Variants in MAN1A2 observed in about 807,000 individuals in gnomAD.
MAN1A2 encodes the protein mannosidase alpha class 1A member 2.
MAN1A2 carries 26 observed loss-of-function variants against 75.7 expected under a neutral mutation model. The observed-to-expected ratio is 0.34, with a 90% CI of 0.25 to 0.48. The LOEUF is 0.48. Ranked by LOEUF, MAN1A2 falls within the 20% of genes least tolerant of loss-of-function variation. The pLI, the probability that MAN1A2 is intolerant of heterozygous loss-of-function variation, is 0.99. For synonymous variants in MAN1A2, 247 were observed against 264.6 expected (o/e 0.93, Z 0.65); for missense variants, 562 against 775.5 (o/e 0.72, Z 3.27).
chr1:117,407,690 A>G (rs573895746), intron 3 of MAN1A2, among the ~76,000 whole-genome samples: 2 of 152,322 alleles, frequency 1.3e-5, no homozygotes, highest in South Asian at 4.1e-4. Context: ...CAGAAAATCC[A>G]TTGCAAAATG....
At chr1:117,412,457 A>G (rs977948776) in intron 3 of MAN1A2, among the ~76,000 whole-genome samples, 1 of 151,660 alleles carries the variant, frequency 6.6e-6, no homozygotes, top group Non-Finnish European at 1.5e-5. Context: ...TATTATTTCA[A>G]TAATTTTCTT....
At chr1:117,394,317 C>T (rs911038047) in intron 1 of MAN1A2, among the ~76,000 whole-genome samples, 2 of 152,014 alleles carry the variant, frequency 1.3e-5, no homozygotes, top group East Asian at 1.9e-4. Flanking sequence ...CTCCTGACCT[C>T]GTGATCCGCC....
At chr1:117,449,217 A>T (rs1186496737) in intron 6 of MAN1A2, among the ~76,000 whole-genome samples, 2 of 151,800 alleles carry the variant, frequency 1.3e-5, no homozygotes, top group Non-Finnish European at 2.9e-5. Flanking sequence ...AGTGGCCTTG[A>T]TGTATTCAAG....
intron 8 of MAN1A2, among the ~76,000 whole-genome samples, chr1:117,481,428 C>G (rs1570779286): frequency 6.6e-6 from 1 of 151,924 alleles, no homozygotes; most frequent in Non-Finnish European, 1.5e-5. Flanking sequence ...TAATTTGACC[C>G]TCTTACTGTC....
intron 1 of MAN1A2, among the ~76,000 whole-genome samples, chr1:117,374,926 T>C (rs907052378): frequency 2.0e-5 from 3 of 152,216 alleles, no homozygotes; most frequent in African/African-American, 7.2e-5. Flanking sequence ...TGGAAATGAC[T>C]AAAATTTATT....
chr1:117,443,795 A>T (rs1649119789), intron 6 of MAN1A2, among the ~76,000 whole-genome samples: 1 of 152,178 alleles, frequency 6.6e-6, no homozygotes, highest in Non-Finnish European at 1.5e-5. Flanking sequence ...TTTTTTGCAG[A>T]GAAGGGATCT....
chr1:117,490,051 G>A (rs1264172132), intron 8 of MAN1A2, among the ~76,000 whole-genome samples: 2 of 151,880 alleles, frequency 1.3e-5, no homozygotes, highest in Non-Finnish European at 2.9e-5. Flanking sequence ...CTTGGGAGCT[G>A]TAGTGTCAAA....
intron 7 of MAN1A2, among the ~76,000 whole-genome samples, chr1:117,464,718 C>T (rs1003690886): frequency 3.9e-5 from 6 of 151,954 alleles, no homozygotes; most frequent in Non-Finnish European, 5.9e-5. Flanking sequence ...AAGCTGTTTG[C>T]GCCTGCGAAC....
chr1:117,482,230 C>G lies in MAN1A2; in HGVS notation c.1169-10917C>G, dbSNP rs993978028. Among the ~76,000 whole-genome samples the G allele has an allele frequency of 3.9e-5, 6 of 152,060 alleles. 1 individual carries two copies. Among genetic ancestry groups the G allele is most frequent in the African/African-American group, 4.8e-5 (2 of 41,512 alleles). ...TGATTTATAATCCTTTGGGTATATA[C>G]CCAGTAATGGGATTGCTGGGTCAAC... On this transcript the variant is annotated intron_variant, in intron 8 of 12. Transcript: ENST00000356554.
chr1:117,499,626 C>A, intron 11 of MAN1A2, 72 bp downstream of exon 11: 1 of 1,209,466 alleles, frequency 8.3e-7, no homozygotes, highest in Non-Finnish European at 1.1e-6. Context: ...CACATACCCT[C>A]ACCCATGTTA....
At chr1:117,495,099 A>G (rs1219587798) in intron 9 of MAN1A2, 4 of 151,746 alleles carry the variant, frequency 2.6e-5, no homozygotes, top group Non-Finnish European at 2.9e-5. Flanking sequence ...TTAATCATAC[A>G]TGCTTTGAAA....
intron 8 of MAN1A2, among the ~76,000 whole-genome samples, chr1:117,489,057 A>G (rs1046481958): frequency 2.0e-5 from 3 of 152,002 alleles, no homozygotes; most frequent in African/African-American, 7.2e-5. Context: ...CATATAATAG[A>G]TATCTTGCAG....
chr1:117,396,856 G>T (rs61808999), intron 1 of MAN1A2, among the ~76,000 whole-genome samples: 17,135 of 151,802 alleles, frequency 0.11, 1,059 homozygotes, highest in Non-Finnish European at 0.14. Flanking sequence ...GCAAAAAAGG[G>T]TTATAGTGCT....
chr1:117,498,437 C>G (rs1393003839), intron 10 of MAN1A2, among the ~76,000 whole-genome samples: 1 of 151,798 alleles, frequency 6.6e-6, no homozygotes, highest in Admixed American at 6.6e-5. Flanking sequence ...AAACAGGGAA[C>G]AGCCATTATA....
intron 8 of MAN1A2, among the ~76,000 whole-genome samples, chr1:117,471,994 A>G (rs1650175869): frequency 6.6e-6 from 1 of 151,948 alleles, no homozygotes; most frequent in East Asian, 1.9e-4. Flanking sequence ...TTACAGCAGA[A>G]GGACATACTA....
intron 1 of MAN1A2, among the ~76,000 whole-genome samples, chr1:117,388,532 G>A (rs1427699296): frequency 3.9e-5 from 6 of 152,082 alleles, no homozygotes; most frequent in Non-Finnish European, 7.4e-5. Context: ...AGTGAAGGGC[G>A]GGGGGAGTGT....
Position 117,368,410 on chromosome 1 carries a change from C to T in MAN1A2, c.227C>T (p.Pro76Leu), listed in dbSNP as rs753392646. 30 of 1,613,936 alleles carry T rather than the reference C, an allele frequency of 1.9e-5. No individual in the cohort carries two copies. The highest frequency in any genetic ancestry group is 2.5e-5 in the Non-Finnish European group (30 of 1,180,012). Residue 76 changes from proline (P) to leucine (L), a missense_variant, in exon 1 of 13, where the codon CCA becomes CTA. By Grantham distance (98) the Pro-to-Leu change is moderately conservative (BLOSUM62 -3). Transcript: ENST00000356554. ...FDLGLEDVLI[P>L]HVDAGKGAKN... ...TTGGGTTTAGAAGATGTGTTAATTC[C>T]ACATGTAGATGCCGGTAAAGGGGCT...
At chr1:117,422,269 G>A (rs1406226525) in intron 5 of MAN1A2, among the ~76,000 whole-genome samples, 1 of 151,846 alleles carries the variant, frequency 6.6e-6, no homozygotes, top group African/African-American at 2.4e-5. Context: ...AAGAATGCTG[G>A]CTTCTTTTAC....
chr1:117,438,319 A>G (rs1003227404), intron 5 of MAN1A2, among the ~76,000 whole-genome samples: 1 of 149,778 alleles, frequency 6.7e-6, no homozygotes, highest in African/African-American at 2.4e-5. Flanking sequence ...TAAGGAAAGA[A>G]AATCTTTTTG....
Sources: gnomAD v4.1 joint callset for allele counts (sites outside exome capture counted in the v4.1 genomes callset) on GRCh38, gnomAD v4.1.1 for gene constraint, MANE v1.5 for transcripts, NCBI Gene and HGNC (gene_info 2026-07-23, HGNC 2026-07-21) for gene names.